Variants in MTUS2 observed in about 807,000 individuals in gnomAD.
MTUS2 encodes the protein microtubule-associated tumor suppressor candidate 2.
In MTUS2, 40 loss-of-function variants were observed where a neutral mutation model predicts 114.1. The observed-to-expected ratio is 0.35, with a 90% CI of 0.27 to 0.46. The LOEUF is 0.46. Among genes scored for constraint, MTUS2 ranks in the 20% least tolerant of loss-of-function variants. The pLI is 1.00. For missense variants in MTUS2, 1,679 were observed against 1,705.4 expected (o/e 0.98, Z 0.27); for synonymous variants, 688 against 672.0 (o/e 1.02, Z -0.37).
intron 7 of MTUS2, among the ~76,000 whole-genome samples, chr13:29,327,523 T>G (rs921328758): frequency 6.6e-6 from 1 of 152,254 alleles, no homozygotes; most frequent in African/African-American, 2.4e-5. Flanking sequence ...TTTACTGGCT[T>G]CTTTCAACAT....
chr13:28,879,738 A>G (rs891229519), intron 2 of MTUS2, among the ~76,000 whole-genome samples: 2 of 152,178 alleles, frequency 1.3e-5, no homozygotes, highest in African/African-American at 4.8e-5. Flanking sequence ...TTGCAAATTG[A>G]TGGGAGGGAA....
intron 8 of MTUS2, among the ~76,000 whole-genome samples, chr13:29,404,352 GA>G (rs992868546): frequency 5.3e-5 from 8 of 151,400 alleles, no homozygotes; most frequent in Non-Finnish European, 1.2e-4. Flanking sequence ...ACCCTGTCTC[GA>G]AAAAACAAAA....
chr13:28,852,125 A>G (rs1387006753), intron 2 of MTUS2, among the ~76,000 whole-genome samples: 1 of 151,918 alleles, frequency 6.6e-6, no homozygotes, highest in Admixed American at 6.6e-5. Flanking sequence ...ACTCCCTCCT[A>G]TTTAGCACAG....
chr13:29,479,906 C>T (rs144836450), intron 9 of MTUS2, among the ~76,000 whole-genome samples: 48 of 152,326 alleles, frequency 3.2e-4, no homozygotes, highest in South Asian at 1.7e-3. Flanking sequence ...CTTCTCCAGC[C>T]GCTGGATGAC....
At chr13:29,367,126 A>G (rs954688316) in intron 8 of MTUS2, among the ~76,000 whole-genome samples, 1 of 152,146 alleles carries the variant, frequency 6.6e-6, no homozygotes, top group African/African-American at 2.4e-5. Context: ...GCTCACTGAA[A>G]TCATGGACAA....
chr13:29,163,870 A>G (rs1243726331), intron 5 of MTUS2, among the ~76,000 whole-genome samples: 6 of 152,082 alleles, frequency 3.9e-5, no homozygotes, highest in African/African-American at 7.2e-5. Flanking sequence ...AACCTCCATG[A>G]TGTCTTCCTA....
At chr13:29,007,502 C>A (rs1323358484) in intron 2 of MTUS2, among the ~76,000 whole-genome samples, 5 of 152,230 alleles carry the variant, frequency 3.3e-5, no homozygotes, top group African/African-American at 1.2e-4. Flanking sequence ...TTTCTTCAGA[C>A]TTCCAAAATT....
chr13:28,827,239 G>A (rs1027773860), intron 1 of MTUS2, among the ~76,000 whole-genome samples: 2 of 152,172 alleles, frequency 1.3e-5, no homozygotes, highest in Non-Finnish European at 1.5e-5. Context: ...ATCATTGGAA[G>A]TTTGTACAGT....
At chr13:29,204,062 T>A (rs746563358) in intron 5 of MTUS2, among the ~76,000 whole-genome samples, 3 of 151,668 alleles carry the variant, frequency 2.0e-5, no homozygotes, top group Non-Finnish European at 4.4e-5. Context: ...CAGTTTCAGG[T>A]GATTCTCCTG....
rs550943972 is a variant in MTUS2 at position 29,159,696 on chromosome 13, A to G, written c.2644+58726A>G. Among the ~76,000 whole-genome samples, 6 of 152,334 alleles carry G rather than the reference A, an allele frequency of 3.9e-5. No homozygotes were observed. In the South Asian group the frequency reaches 1.2e-3, roughly 32 times the overall value. On this transcript the variant is annotated intron_variant, in intron 5 of 15. Coordinates refer to ENST00000612955, the MANE Select transcript of MTUS2 (RefSeq NM_001033602.4). ...ACGTAGATAAGAGATATGAGCAGCCATCTCACTGAAGAAGATGTACAGATG... is the reference window on the plus strand; with the variant it reads ...ACGTAGATAAGAGATATGAGCAGCCGTCTCACTGAAGAAGATGTACAGATG...
At chr13:29,127,510 T>C (rs1891570747) in intron 5 of MTUS2, among the ~76,000 whole-genome samples, 1 of 152,230 alleles carries the variant, frequency 6.6e-6, no homozygotes. Context: ...GAGGCTTCCC[T>C]GAAGAGAAAG....
chr13:28,866,105 G>A (rs79165426), intron 2 of MTUS2, among the ~76,000 whole-genome samples: 1 of 152,242 alleles, frequency 6.6e-6, no homozygotes, highest in East Asian at 1.9e-4. Flanking sequence ...CAGGATTTTC[G>A]TGCCTCCCTG....
At chr13:28,835,329 G>A (rs1170198109) in intron 1 of MTUS2, among the ~76,000 whole-genome samples, 1 of 152,152 alleles carries the variant, frequency 6.6e-6, no homozygotes, top group Non-Finnish European at 1.5e-5. Context: ...GCCATAAAAA[G>A]CAGTGAAGTA....
chr13:29,331,604 G>C (rs1900783469), intron 7 of MTUS2, among the ~76,000 whole-genome samples: 1 of 152,178 alleles, frequency 6.6e-6, no homozygotes, highest in South Asian at 2.1e-4. Flanking sequence ...TGTTGAATAG[G>C]AGTGGTGAGA....
intron 2 of MTUS2, among the ~76,000 whole-genome samples, chr13:28,887,384 C>G (rs961410601): frequency 4.6e-5 from 7 of 152,140 alleles, no homozygotes; most frequent in African/African-American, 1.7e-4. Flanking sequence ...CACAGCTGCC[C>G]CATCATTGAC....
chr13:29,237,624 A>G (rs1896582029), intron 5 of MTUS2, among the ~76,000 whole-genome samples: 1 of 152,200 alleles, frequency 6.6e-6, no homozygotes, highest in Non-Finnish European at 1.5e-5. Context: ...TTTTGGCTTC[A>G]GCTTCTACTC....
intron 7 of MTUS2, among the ~76,000 whole-genome samples, chr13:29,326,002 T>G (rs1467716150): frequency 6.6e-6 from 1 of 152,098 alleles, no homozygotes; most frequent in Non-Finnish European, 1.5e-5. Context: ...TTAAAATTTA[T>G]GGAAAATAGG....
At chr13:29,089,811 A>G (rs556401733) in intron 4 of MTUS2, among the ~76,000 whole-genome samples, 176 of 152,340 alleles carry the variant, frequency 1.2e-3, no homozygotes, top group African/African-American at 3.9e-3. Context: ...GTTCTTTCTT[A>G]AAATGGATAT....
chr13:28,885,843 G>A (rs1763655541), intron 2 of MTUS2, among the ~76,000 whole-genome samples: 1 of 152,210 alleles, frequency 6.6e-6, no homozygotes, highest in South Asian at 2.1e-4. Context: ...AGGAAAACAA[G>A]TAAAATATAT....
Sources: gnomAD v4.1 joint callset for allele counts (sites outside exome capture counted in the v4.1 genomes callset) on GRCh38, gnomAD v4.1.1 for gene constraint, MANE v1.5 for transcripts, NCBI Gene and HGNC (gene_info 2026-07-23, HGNC 2026-07-21) for gene names.